EHMT1: variants seen among roughly 807,000 people sequenced by gnomAD.
EHMT1 encodes the protein euchromatic histone lysine methyltransferase 1.
Under a neutral mutation model 147.2 loss-of-function variants are expected in EHMT1, and 15 were observed. The observed-to-expected ratio is 0.10, with a 90% confidence interval of 0.07 to 0.16. EHMT1 has a LOEUF of 0.16. Ranked by LOEUF, EHMT1 falls within the 10% of genes least tolerant of loss-of-function variation. EHMT1 has a pLI of 1.00. For missense variants in EHMT1, 1,587 were observed against 1,772.4 expected, an observed-to-expected ratio of 0.90 and a Z score of 1.88; for synonymous variants, 795 against 709.6, an observed-to-expected ratio of 1.12 and a Z score of -1.91.
At position 137,731,653 on chromosome 9, in the gene EHMT1, C is replaced by T. The variant is rs555185462; in HGVS notation, c.823+3124C>T. Among the ~76,000 whole-genome samples, 5 of 152,276 alleles carry T rather than the reference C, an allele frequency of 3.3e-5. No individual in the cohort carries two copies. In the South Asian group the frequency reaches 8.3e-4, roughly 25 times the overall value. On this transcript the variant is annotated intron_variant, in intron 4 of 26. Coordinates refer to ENST00000460843, the MANE Select transcript of EHMT1 (RefSeq NM_024757.5). The surrounding 1 kb of genome is among the most constrained non-coding windows in gnomAD (Gnocchi z 4.3). ...GCTGGTCATAAACCTCTGCAGCCAG[C>T]GGCGCCTCTGCTTGAGTTTCACTTG...
intron 1 of EHMT1, among the ~76,000 whole-genome samples, chr9:137,677,429 C>T (rs1030773151): frequency 6.6e-6 from 1 of 152,090 alleles, no homozygotes; most frequent in African/African-American, 2.4e-5. Context: ...GCCACCAGGA[C>T]TTGCCTGACT....
At chr9:137,674,995 G>T (rs1240511946) in intron 1 of EHMT1, 1 of 152,136 alleles carries the variant, frequency 6.6e-6, no homozygotes, top group African/African-American at 2.4e-5. Flanking sequence ...GCCGCGTAAG[G>T]TCTCTGATGC....
At chr9:137,818,665 C>T (rs531190130) in intron 25 of EHMT1, among the ~76,000 whole-genome samples, 13 of 18,416 alleles carry the variant, frequency 7.1e-4, no homozygotes, top group South Asian at 2.1e-3. Context: ...GAGAGGCCGA[C>T]TGAGGGGCGC....
chr9:137,764,896 TTC>T (rs1246510656), intron 10 of EHMT1: 1 of 152,256 alleles, frequency 6.6e-6, no homozygotes. Flanking sequence ...GCTCATAACT[TTC>T]TTGTGTTGTT....
chr9:137,770,791 A>G (rs1348896799), intron 10 of EHMT1, among the ~76,000 whole-genome samples: 1 of 152,214 alleles, frequency 6.6e-6, no homozygotes, highest in African/African-American at 2.4e-5. Context: ...GAGAAGAGTG[A>G]GCAATGGGTC....
intron 1 of EHMT1, among the ~76,000 whole-genome samples, chr9:137,685,778 G>A (rs1159907794): frequency 6.6e-6 from 1 of 152,174 alleles, no homozygotes; most frequent in East Asian, 1.9e-4. Context: ...GAGCAACGTG[G>A]TATGTCATTG....
chr9:137,620,979 A>C (rs1046445940), intron 1 of EHMT1, among the ~76,000 whole-genome samples: 4 of 152,210 alleles, frequency 2.6e-5, no homozygotes, highest in African/African-American at 9.6e-5. Context: ...CTTAAGAGGT[A>C]GGTACTGTTA....
chr9:137,663,958 T>C (rs1224999789), intron 1 of EHMT1, among the ~76,000 whole-genome samples: 4 of 152,268 alleles, frequency 2.6e-5, no homozygotes, highest in African/African-American at 9.6e-5. Flanking sequence ...AAGTACTATA[T>C]AGTATATGCA....
At chr9:137,755,742 T>C (rs1949331512) in intron 8 of EHMT1, among the ~76,000 whole-genome samples, 1 of 152,220 alleles carries the variant, frequency 6.6e-6, no homozygotes, top group South Asian at 2.1e-4. Flanking sequence ...AGGGTTAGTC[T>C]TTTTAATTCC....
At chr9:137,824,701 CTG>C (rs1420706108) in intron 25 of EHMT1, among the ~76,000 whole-genome samples, 2 of 152,120 alleles carry the variant, frequency 1.3e-5, no homozygotes, top group African/African-American at 2.4e-5. Context: ...AGATCTTACA[CTG>C]TGTTTTGTTA....
At chr9:137,721,883 T>C (rs934990197) in intron 3 of EHMT1, among the ~76,000 whole-genome samples, 1 of 152,242 alleles carries the variant, frequency 6.6e-6, no homozygotes, top group African/African-American at 2.4e-5. Flanking sequence ...GTGTTTCATT[T>C]TGATGAAGTC....
At chr9:137,762,961 T>C (rs1949947499) in intron 10 of EHMT1, 141 bp downstream of exon 10, 2 of 1,050,156 alleles carry the variant, frequency 1.9e-6, no homozygotes, top group Non-Finnish European at 2.9e-6. Flanking sequence ...GCAGAACCAA[T>C]CGAGCAGATC....
intron 1 of EHMT1, among the ~76,000 whole-genome samples, chr9:137,635,405 C>T (rs1040386224): frequency 6.0e-5 from 9 of 151,070 alleles, no homozygotes; most frequent in Non-Finnish European, 1.0e-4. Context: ...TTGGTAGAGA[C>T]GGAGTTTCAC....
chr9:137,794,341 GCTAGAT>G (rs1302524842), intron 16 of EHMT1, among the ~76,000 whole-genome samples: 1 of 152,156 alleles, frequency 6.6e-6, no homozygotes. Context: ...CTGTAGAATT[GCTAGAT>G]CAAAGTAGGC....
intron 1 of EHMT1, among the ~76,000 whole-genome samples, chr9:137,645,098 C>A (rs1844790705): frequency 6.6e-6 from 1 of 152,194 alleles, no homozygotes; most frequent in African/African-American, 2.4e-5. Context: ...CTCTCGAGCT[C>A]CTGGCCTCAA....
intron 15 of EHMT1, chr9:137,783,962 TAATAGG>T (rs1283022041): frequency 1.4e-5 from 6 of 435,336 alleles, no homozygotes; most frequent in East Asian, 1.3e-4. Flanking sequence ...CTTGGTATTT[TAATAGG>T]AACTTTTAGT....
At chr9:137,795,650 C>T (rs1952882245) in intron 16 of EHMT1, among the ~76,000 whole-genome samples, 1 of 152,032 alleles carries the variant, frequency 6.6e-6, no homozygotes, top group Non-Finnish European at 1.5e-5. Flanking sequence ...TGTTTTTAAC[C>T]TCATCAATGT....
In EHMT1 at chr9:137,646,319, G is replaced by A. The variant is rs554222505; in HGVS notation, c.21+27270G>A. The A allele has an allele frequency of 3.8e-5, 37 of 984,014 alleles. No homozygotes were observed. In the East Asian group the frequency reaches 2.8e-3, roughly 76 times the overall value. 61.0% of individuals were successfully genotyped at this position (984,014 alleles called of 1,614,324 possible). A position where few individuals can be genotyped will look rare whatever the true frequency, so the allele number is the denominator to read the frequency against. ...TAAAATGATGTCTGTGGCATTTCCT[G>A]TCTTTCTGTGGGACAGTGGTACCTG... On this transcript the variant is annotated intron_variant, in intron 1 of 26. Coordinates refer to ENST00000460843, the MANE Select transcript of EHMT1 (RefSeq NM_024757.5).
chr9:137,716,982 C>T lies in EHMT1; in HGVS notation c.442C>T (p.Pro148Ser). The T allele has an allele frequency of 1.9e-6, 3 of 1,609,932 alleles. No individual in the cohort carries two copies. The highest frequency in any genetic ancestry group is 2.5e-6 in the Non-Finnish European group (3 of 1,177,388). Reference sequence around the variant, plus strand: ...TACCAGCACTCTGGCCTCTTCGCTGCCTGGCCATGCTGCAAAAACCCTTCC... The same window carrying T: ...TACCAGCACTCTGGCCTCTTCGCTGTCTGGCCATGCTGCAAAAACCCTTCC... Reference protein sequence around the residue: ...RTTSTLASSLPGHAAKTLPGG... With the variant: ...RTTSTLASSLSGHAAKTLPGG... Residue 148 changes from proline (P) to serine (S), a missense_variant, in exon 3 of 27, where the codon CCT (proline) becomes TCT (serine). Physicochemically the swap from Pro to Ser is moderately conservative, Grantham distance 74. This residue lies in a region of EHMT1 where 810 missense variants were observed against 673.0 expected (regional missense o/e 1.20). Coordinates refer to ENST00000460843, the MANE Select transcript of EHMT1 (RefSeq NM_024757.5).
Sources: gnomAD v4.1 joint callset for allele counts (sites outside exome capture counted in the v4.1 genomes callset) on GRCh38, gnomAD v4.1.1 for gene constraint, gnomAD v4.1.1 regional missense constraint, Gnocchi (gnomAD v3.1) non-coding constraint, MANE v1.5 for transcripts, NCBI Gene and HGNC (gene_info 2026-07-23, HGNC 2026-07-21) for gene names.